Variants in MAP4K5 observed in about 807,000 individuals in gnomAD.
The protein encoded by MAP4K5 is mitogen-activated protein kinase kinase kinase kinase 5.
In MAP4K5, 82 loss-of-function variants were observed where a neutral mutation model predicts 135.6. The ratio of observed to expected loss-of-function variants is 0.60; its 90% CI spans 0.51 to 0.73. The LOEUF is 0.73. Among genes scored for constraint, MAP4K5 ranks in the 30% least tolerant of loss-of-function variants. MAP4K5 has a pLI of 0.00. For missense variants in MAP4K5, 907 were observed against 1,010.9 expected, an observed-to-expected ratio of 0.90 and a Z score of 1.39; for synonymous variants, 347 against 335.0, an observed-to-expected ratio of 1.04 and a Z score of -0.39.
chr14:50,541,304 A>G (rs988552864), intron 2 of MAP4K5, among the ~76,000 whole-genome samples: 1 of 152,158 alleles, frequency 6.6e-6, no homozygotes, highest in African/African-American at 2.4e-5. Context: ...ACATTATGCA[A>G]ATTGCACCTT....
chr14:50,547,427 G>A (rs1276321873), intron 1 of MAP4K5, among the ~76,000 whole-genome samples: 1 of 152,186 alleles, frequency 6.6e-6, no homozygotes, highest in Non-Finnish European at 1.5e-5. Flanking sequence ...ACCTCTGTGA[G>A]CTGAATAAAA....
intron 13 of MAP4K5, 75 bp from the exon 14 acceptor site, chr14:50,456,669 T>A: frequency 2.9e-5 from 25 of 866,582 alleles, no homozygotes; most frequent in Non-Finnish European, 4.4e-5. Flanking sequence ...TTTCTTATCA[T>A]TTATTGATAA....
At chr14:50,500,943 G>A (rs991924051) in intron 3 of MAP4K5, among the ~76,000 whole-genome samples, 1 of 152,144 alleles carries the variant, frequency 6.6e-6, no homozygotes. Context: ...AAATCTTTTT[G>A]ATAATATGAC....
At chr14:50,451,784 A>AC (rs2036492583) in intron 14 of MAP4K5, among the ~76,000 whole-genome samples, 10 of 151,906 alleles carry the variant, frequency 6.6e-5, no homozygotes, top group Admixed American at 5.3e-4. Context: ...TTAAAAAAAA[A>AC]CAAAACGTGT....
rs181983902 is a variant in MAP4K5, at chr14:50,432,708, T to C, written c.2164+1686A>G. On this transcript the variant is annotated intron_variant, in intron 28 of 32. Transcript: ENST00000682126. ...TGGTCGCAAATATACATTAAATAGT[T>C]GTATTAAATGACATGCTTTATACCA... 1.2e-4 allele frequency among the ~76,000 whole-genome samples: 18 copies of C among 152,292 alleles called. No individual in the cohort carries two copies. In the East Asian group the frequency reaches 3.3e-3, roughly 28 times the overall value.
At chr14:50,420,233 ACAAT>A (rs1198613894) in intron 32 of MAP4K5, 127 bp from the exon 33 acceptor site, 37 of 668,348 alleles carry the variant, frequency 5.5e-5, no homozygotes, top group Middle Eastern at 2.6e-4. Context: ...TCACAGACGC[ACAAT>A]CAAATTCAGC....
At chr14:50,512,753 C>T (rs2037955677) in intron 2 of MAP4K5, among the ~76,000 whole-genome samples, 1 of 152,092 alleles carries the variant, frequency 6.6e-6, no homozygotes, top group African/African-American at 2.4e-5. Context: ...AGAGATCTTT[C>T]AGAAATTTAA....
At chr14:50,452,971 C>T (rs545146832) in intron 14 of MAP4K5, among the ~76,000 whole-genome samples, 3 of 152,238 alleles carry the variant, frequency 2.0e-5, no homozygotes, top group South Asian at 4.1e-4. Flanking sequence ...GTCACATTTC[C>T]CCCCACTTTT....
chr14:50,438,072 G>C lies in MAP4K5; in HGVS notation c.1708+20C>G, dbSNP rs1421817088. On this transcript the variant is annotated intron_variant, in intron 24 of 32. Coordinates refer to ENST00000682126, the MANE Select transcript of MAP4K5 (RefSeq NM_006575.6). ...TACAGCAGAGAAATACAATTTTCGA[G>C]AAAAAGAAAACGTAATTACCTTCTA... 1 of 956,300 alleles carries C rather than the reference G, an allele frequency of 1.0e-6. No individual in the cohort carries two copies. The highest frequency in any genetic ancestry group is 1.7e-6 in the Non-Finnish European group (1 of 583,934). 59.2% of individuals were successfully genotyped at this position (956,300 alleles called of 1,614,324 possible). A position where few individuals can be genotyped will look rare whatever the true frequency, so the allele number is the denominator to read the frequency against.
At chr14:50,476,415 T>G in intron 6 of MAP4K5, 109 bp from the exon 7 acceptor site, 2 of 531,802 alleles carry the variant, frequency 3.8e-6, no homozygotes, top group East Asian at 6.8e-5. Context: ...AATGTCTTTT[T>G]TGGGGAGAAA....
chr14:50,553,617 A>G (rs2038730163), intron 1 of MAP4K5, among the ~76,000 whole-genome samples: 1 of 152,198 alleles, frequency 6.6e-6, no homozygotes, highest in South Asian at 2.1e-4. Context: ...ACCCAAAGGA[A>G]AATAAGTCAT....
intron 6 of MAP4K5, among the ~76,000 whole-genome samples, chr14:50,476,539 C>A (rs1247708834): frequency 6.6e-6 from 1 of 152,186 alleles, no homozygotes; most frequent in Non-Finnish European, 1.5e-5. Context: ...TGGCTCACTG[C>A]AGCTGCCATC....
In MAP4K5 at chr14:50,443,939, A is replaced by G. The variant is rs748557163; in HGVS notation, c.1437T>C (p.Pro479=). 1.9e-6 allele frequency: 3 copies of G among 1,601,798 alleles called. No homozygotes were observed. ...LPRKKDKRDF[P]KPAINGLPPT... is the part of the protein sequence containing the mutation. ...ATTGCTAAATGCCTGTTATACCTACAGGGAAGTCTCGTTTGTCCTTTTTTC... is the reference window on the plus strand; with the variant it reads ...ATTGCTAAATGCCTGTTATACCTACGGGGAAGTCTCGTTTGTCCTTTTTTC... The change falls in exon 19 of 33, where the codon CCT becomes CCC. Residue 479 remains proline (P), a splice_region_variant and synonymous_variant. Transcript: ENST00000682126.
At chr14:50,466,547 G>T in intron 11 of MAP4K5, 36 bp downstream of exon 11, 1 of 1,075,308 alleles carries the variant, frequency 9.3e-7, no homozygotes, top group Non-Finnish European at 1.4e-6. Context: ...CCTTTCGATT[G>T]TAAAATTCTA....
chr14:50,504,664 C>A, intron 3 of MAP4K5, 136 bp downstream of exon 3: 3 of 650,210 alleles, frequency 4.6e-6, no homozygotes, highest in East Asian at 3.1e-5. Context: ...CTTTAACTAA[C>A]CACCTTCAGG....
intron 28 of MAP4K5, among the ~76,000 whole-genome samples, chr14:50,431,823 G>A (rs2035977286): frequency 2.6e-5 from 4 of 152,078 alleles, no homozygotes; most frequent in Non-Finnish European, 5.9e-5. Context: ...CTGAGGAATC[G>A]CCACACTGAC....
intron 1 of MAP4K5, among the ~76,000 whole-genome samples, chr14:50,549,381 A>T (rs2038674238): frequency 1.3e-5 from 2 of 152,148 alleles, no homozygotes; most frequent in Non-Finnish European, 2.9e-5. Flanking sequence ...GAACTGTGAG[A>T]CCTACTCACA....
At chr14:50,508,432 T>C (rs1200591941) in intron 2 of MAP4K5, among the ~76,000 whole-genome samples, 1 of 152,218 alleles carries the variant, frequency 6.6e-6, no homozygotes, top group East Asian at 1.9e-4. Context: ...TGGATGAAGC[T>C]GGAAACCATC....
intron 6 of MAP4K5, 76 bp downstream of exon 6, chr14:50,482,285 G>A (rs1175491050): frequency 5.3e-6 from 4 of 760,958 alleles, no homozygotes; most frequent in Non-Finnish European, 8.1e-6. Context: ...CAATTGTCAG[G>A]CAATTGCCTT....
Sources: allele counts gnomAD v4.1 joint callset (sites outside exome capture counted in the v4.1 genomes callset), GRCh38; gene constraint gnomAD v4.1.1; transcripts MANE v1.5; gene names NCBI Gene and HGNC (gene_info 2026-07-23, HGNC 2026-07-21).